Variants in LYN observed in about 807,000 individuals in gnomAD.
The protein encoded by LYN is tyrosine-protein kinase Lyn.
LYN carries 12 observed loss-of-function variants against 65.0 expected under a neutral mutation model. That is an observed-to-expected ratio of 0.18 (90% confidence interval 0.12 to 0.30). The LOEUF (loss-of-function observed/expected upper bound fraction) is 0.30, where lower values mean the gene tolerates loss of function less well. Among genes scored for constraint, LYN ranks in the 10% least tolerant of loss-of-function variants. LYN has a pLI of 1.00. For missense variants in LYN, 380 were observed against 623.2 expected (o/e 0.61, Z 4.16); for synonymous variants, 222 against 221.2 (o/e 1.00, Z -0.03).
chr8:55,986,238 G>T (rs926297825), intron 10 of LYN, among the ~76,000 whole-genome samples: 13 of 149,936 alleles, frequency 8.7e-5, no homozygotes, highest in African/African-American at 3.0e-4. Flanking sequence ...GAGTAGTCAT[G>T]GCATGGCATC....
intron 10 of LYN, among the ~76,000 whole-genome samples, chr8:55,974,220 G>A (rs1807691843): frequency 6.6e-6 from 1 of 152,114 alleles, no homozygotes; most frequent in African/African-American, 2.4e-5. Context: ...TTGTCTCATG[G>A]TTACAGTTGC....
chr8:56,007,523 T>A (rs1462119501), intron 12 of LYN, among the ~76,000 whole-genome samples: 1 of 152,238 alleles, frequency 6.6e-6, no homozygotes, highest in Non-Finnish European at 1.5e-5. Flanking sequence ...TCTCAAGAGA[T>A]CTGAATCATT....
Position 56,010,232 on chromosome 8 carries a change from A to C in LYN, c.*122A>C, listed in dbSNP as rs1808777562. 1.1e-6 allele frequency: 1 copy of C among 937,658 alleles called. No homozygotes were observed. Among genetic ancestry groups the C allele is most frequent in the Non-Finnish European group, 1.6e-6 (1 of 612,144 alleles). 58.1% of individuals were successfully genotyped at this position (937,658 alleles called of 1,614,324 possible). A position where few individuals can be genotyped will look rare whatever the true frequency, so the allele number is the denominator to read the frequency against. Reference sequence around the variant, plus strand: ...ATCATCTGCCGTGCCTGGATCCTGAAATAGAGGCTAAATTACTCAGGAAGA... The same window carrying C: ...ATCATCTGCCGTGCCTGGATCCTGACATAGAGGCTAAATTACTCAGGAAGA... On this transcript the variant is annotated 3_prime_UTR_variant, in exon 13 of 13. Transcript: ENST00000519728.
chr8:55,942,978 GAATTAAAATATTAAGGAAAAACACCTCT>G (rs1563521623), intron 2 of LYN, among the ~76,000 whole-genome samples: 1 of 152,084 alleles, frequency 6.6e-6, no homozygotes, highest in Non-Finnish European at 1.5e-5. Context: ...TTATTTTAGT[GAATTAAAATATTAAGGAAAAACACCTCT>G]AATTCTGTCC....
chr8:55,975,670 A>C (rs1025419578), intron 10 of LYN, among the ~76,000 whole-genome samples: 1 of 152,240 alleles, frequency 6.6e-6, no homozygotes, highest in Non-Finnish European at 1.5e-5. Context: ...AACTTTGACC[A>C]TGAAAACTTA....
At position 55,988,573 on chromosome 8, in the gene LYN, A is replaced by T. The variant is rs990902300; in HGVS notation, c.1051-9773A>T. ...GCATAGGAAGACAATACATCCTTAGAGAGTAAGGTAAACAGTGTCTACTAA... is the reference window on the plus strand; with the variant it reads ...GCATAGGAAGACAATACATCCTTAGTGAGTAAGGTAAACAGTGTCTACTAA... On this transcript the variant is annotated intron_variant, in intron 10 of 12. Coordinates refer to ENST00000519728, the MANE Select transcript of LYN (RefSeq NM_002350.4). 3.5e-4 allele frequency among the ~76,000 whole-genome samples: 53 copies of T among 152,266 alleles called. 1 individual carries two copies. Among genetic ancestry groups the T allele is most frequent in the African/African-American group, 1.2e-3 (51 of 41,542 alleles).
chr8:55,908,704 C>T (rs992104472), intron 1 of LYN, among the ~76,000 whole-genome samples: 1 of 151,810 alleles, frequency 6.6e-6, no homozygotes, highest in African/African-American at 2.4e-5. Context: ...GAGTAGCACA[C>T]ATTGTACCCA....
chr8:55,962,186 A>G (rs1308775623), intron 8 of LYN, among the ~76,000 whole-genome samples: 1 of 151,560 alleles, frequency 6.6e-6, no homozygotes, highest in African/African-American at 2.4e-5. Flanking sequence ...TATGGCTACA[A>G]TTCATTCATC....
chr8:55,885,581 T>G (rs988343713), intron 1 of LYN, among the ~76,000 whole-genome samples: 3 of 152,224 alleles, frequency 2.0e-5, no homozygotes, highest in Non-Finnish European at 4.4e-5. Flanking sequence ...GGGTGTGTAT[T>G]CATTCTGCCT....
intron 10 of LYN, among the ~76,000 whole-genome samples, chr8:55,987,687 A>T (rs111289256): frequency 0.01 from 1,533 of 152,218 alleles, 30 homozygotes; most frequent in African/African-American, 0.035. Flanking sequence ...AAGTGCTGGG[A>T]TTATAGGCAT....
chr8:55,887,098 A>G (rs1804819131), intron 1 of LYN, among the ~76,000 whole-genome samples: 1 of 152,262 alleles, frequency 6.6e-6, no homozygotes, highest in Non-Finnish European at 1.5e-5. Context: ...CTTTGTAAAT[A>G]TCTTAAAAGA....
intron 1 of LYN, among the ~76,000 whole-genome samples, chr8:55,904,002 G>A (rs1274394042): frequency 1.0e-4 from 4 of 38,202 alleles, no homozygotes; most frequent in Non-Finnish European, 9.7e-5. Flanking sequence ...GTAAGACAGA[G>A]TCTCAAAAAA....
intron 10 of LYN, among the ~76,000 whole-genome samples, chr8:55,992,980 C>T (rs575762972): frequency 6.6e-6 from 1 of 152,152 alleles, no homozygotes; most frequent in South Asian, 2.1e-4. Context: ...CACATTCAGA[C>T]CATAGCATCA....
chr8:56,003,129 G>C (rs542636487), intron 12 of LYN, among the ~76,000 whole-genome samples: 1 of 149,662 alleles, frequency 6.7e-6, no homozygotes, highest in African/African-American at 2.5e-5. Flanking sequence ...GCGTGATCTC[G>C]GCTCACTGCT....
chr8:55,953,327 T>C (rs148037837), intron 7 of LYN, among the ~76,000 whole-genome samples: 1 of 152,324 alleles, frequency 6.6e-6, no homozygotes, highest in African/African-American at 2.4e-5. Flanking sequence ...AAGAATACAA[T>C]CAAGTATGTT....
chr8:56,010,397 T>C lies in LYN; in HGVS notation c.*287T>C. The C allele has an allele frequency of 2.4e-6, 1 of 418,668 alleles. No individual in the cohort carries two copies. Among genetic ancestry groups the C allele is most frequent in the South Asian group, 2.6e-5 (1 of 37,840 alleles). The allele number at this position is 418,668 out of a possible 1,614,324, so 25.9% of individuals were successfully genotyped here. A position where few individuals can be genotyped will look rare whatever the true frequency, so the allele number is the denominator to read the frequency against. ...CAGCCGTTTGAGAAGAAAACATCTATTCTCTCCAAAAATGCACCCAACTAG... is the reference window on the plus strand; with the variant it reads ...CAGCCGTTTGAGAAGAAAACATCTACTCTCTCCAAAAATGCACCCAACTAG... On this transcript the variant is annotated 3_prime_UTR_variant, in exon 13 of 13. Coordinates refer to ENST00000519728, the MANE Select transcript of LYN (RefSeq NM_002350.4).
At chr8:55,915,347 A>C (rs116946855) in intron 1 of LYN, among the ~76,000 whole-genome samples, 2 of 152,276 alleles carry the variant, frequency 1.3e-5, no homozygotes, top group Non-Finnish European at 2.9e-5. Context: ...TATTTTATTA[A>C]ACTCTTTAAA....
intron 12 of LYN, among the ~76,000 whole-genome samples, chr8:56,003,673 C>CAA (rs1433810331): frequency 3.5e-5 from 3 of 86,470 alleles, no homozygotes; most frequent in Admixed American, 1.3e-4. Context: ...GACTCTGTCT[C>CAA]AAAAAAAAAA....
intron 8 of LYN, among the ~76,000 whole-genome samples, chr8:55,965,534 T>C (rs78033935): frequency 0.024 from 3,710 of 152,312 alleles, 166 homozygotes; most frequent in African/African-American, 0.086. Flanking sequence ...AGAACACCTT[T>C]TTTAAAGAAA....
Sources: gnomAD v4.1 joint callset for allele counts (sites outside exome capture counted in the v4.1 genomes callset) on GRCh38, gnomAD v4.1.1 for gene constraint, MANE v1.5 for transcripts, NCBI Gene and HGNC (gene_info 2026-07-23, HGNC 2026-07-21) for gene names.